The following CERS3 variants were observed in gnomAD, a reference collection of about 807,000 sequenced individuals.
The protein encoded by CERS3 is LAG1 homolog, ceramide synthase 3.
In CERS3, 33 loss-of-function variants were observed where a neutral mutation model predicts 50.3. The observed-to-expected ratio is 0.66, with a 90% CI of 0.50 to 0.88. CERS3 has a LOEUF of 0.88. CERS3 is among the 40% of genes least tolerant of loss of function. CERS3 has a pLI of 0.00. For missense variants in CERS3, 470 were observed against 460.3 expected (o/e 1.02, Z -0.19); for synonymous variants, 176 against 155.2 (o/e 1.13, Z -0.99).
At chr15:100,414,212 T>G (rs1329444387) in intron 11 of CERS3, among the ~76,000 whole-genome samples, 1 of 152,034 alleles carries the variant, frequency 6.6e-6, no homozygotes, top group Non-Finnish European at 1.5e-5. Context: ...TCTAGGAATA[T>G]AGCTAACAAG....
At chr15:100,454,473 A>C (rs1318557908) in intron 11 of CERS3, among the ~76,000 whole-genome samples, 1 of 152,080 alleles carries the variant, frequency 6.6e-6, no homozygotes, top group Non-Finnish European at 1.5e-5. Context: ...CTCTTCAATA[A>C]ATGGTGTGGG....
chr15:100,472,968 T>A lies in CERS3; in HGVS notation c.694A>T (p.Thr232Ser). 6.2e-7 allele frequency: 1 copy of A among 1,613,950 alleles called. No homozygotes were observed. The highest frequency in any genetic ancestry group is 8.5e-7 in the Non-Finnish European group (1 of 1,179,926). The change falls in exon 9 of 12, where the codon ACC becomes TCC. Residue 232 changes from threonine to serine, a missense_variant. Transcript: ENST00000679737. Reference sequence around the variant, plus strand: ...ACATCGTGTACAATCATCACGAGGGTCCCACTGCGAATATAATTAGCACAC... The same window carrying A: ...ACATCGTGTACAATCATCACGAGGGACCCACTGCGAATATAATTAGCACAC... ...SWCANYIRSG[T>S]LVMIVHDVAD...
At chr15:100,526,781 T>C (rs994403727) in intron 1 of CERS3, among the ~76,000 whole-genome samples, 1 of 152,060 alleles carries the variant, frequency 6.6e-6, no homozygotes, top group Non-Finnish European at 1.5e-5. Flanking sequence ...CTTTGTTCAC[T>C]GGTGATACCC....
chr15:100,430,162 G>A (rs558248109), intron 11 of CERS3, among the ~76,000 whole-genome samples: 4 of 151,834 alleles, frequency 2.6e-5, no homozygotes, highest in East Asian at 1.9e-4. Context: ...AATACAAAAA[G>A]TTAGCCAGTT....
chr15:100,426,430 T>C (rs1026119865), intron 11 of CERS3, among the ~76,000 whole-genome samples: 1 of 152,148 alleles, frequency 6.6e-6, no homozygotes, highest in African/African-American at 2.4e-5. Flanking sequence ...CCCGTAACTA[T>C]ATCCAGACAT....
At chr15:100,536,427 G>A (rs1436587948) in intron 1 of CERS3, among the ~76,000 whole-genome samples, 3 of 152,130 alleles carry the variant, frequency 2.0e-5, no homozygotes, top group East Asian at 3.9e-4. Flanking sequence ...TGGGACGACA[G>A]GCACATGCCA....
At chr15:100,478,216 T>C (rs2035194633) in intron 7 of CERS3, among the ~76,000 whole-genome samples, 1 of 152,178 alleles carries the variant, frequency 6.6e-6, no homozygotes, top group African/African-American at 2.4e-5. Flanking sequence ...AAAAATATAA[T>C]AACTGAAATT....
chr15:100,530,217 G>T (rs1032752874), upstream of CERS3, among the ~76,000 whole-genome samples: 2 of 152,236 alleles, frequency 1.3e-5, no homozygotes, highest in African/African-American at 4.8e-5. Flanking sequence ...TTGGTTTCCT[G>T]ACATGAGGCT....
chr15:100,415,788 CG>C (rs1567594900), intron 11 of CERS3, among the ~76,000 whole-genome samples: 1 of 109,530 alleles, frequency 9.1e-6, no homozygotes, highest in Non-Finnish European at 2.1e-5. Flanking sequence ...CAGGGCCTGT[CG>C]GGGGGCAGGG....
At chr15:100,479,271 TG>T (rs1213788373) in intron 7 of CERS3, among the ~76,000 whole-genome samples, 156 bp downstream of exon 7, 4 of 151,718 alleles carry the variant, frequency 2.6e-5, no homozygotes, top group Non-Finnish European at 5.9e-5. Flanking sequence ...ATGAGACAAA[TG>T]AGGGTCAATA....
chr15:100,516,616 G>T (rs760724350), intron 2 of CERS3, among the ~76,000 whole-genome samples: 7 of 152,176 alleles, frequency 4.6e-5, no homozygotes, highest in Non-Finnish European at 7.3e-5. Flanking sequence ...TAAATACTAA[G>T]TTAAAAGATT....
intron 11 of CERS3, among the ~76,000 whole-genome samples, chr15:100,436,141 T>C (rs897881997): frequency 5.9e-5 from 9 of 152,250 alleles, no homozygotes; most frequent in Non-Finnish European, 8.8e-5. Context: ...CAAAGGATTA[T>C]AAATAATTCT....
chr15:100,420,224 C>A (rs200695785), intron 11 of CERS3, among the ~76,000 whole-genome samples: 1 of 139,814 alleles, frequency 7.2e-6, no homozygotes, highest in Non-Finnish European at 1.6e-5. Context: ...ATCAAATAGA[C>A]GCAATAAAAA....
intron 2 of CERS3, chr15:100,503,731 G>C (rs1277257059): frequency 2.1e-6 from 1 of 470,994 alleles, no homozygotes; most frequent in Admixed American, 2.3e-5. Context: ...TCTGGCAGTG[G>C]TGTGAAGCAT....
chr15:100,467,786 C>T (rs55773039), intron 10 of CERS3, among the ~76,000 whole-genome samples: 7 of 116,952 alleles, frequency 6.0e-5, no homozygotes, highest in South Asian at 2.6e-4. Flanking sequence ...TATATACACA[C>T]ATATATATGT....
At chr15:100,486,748 T>C (rs1387130573) in intron 4 of CERS3, among the ~76,000 whole-genome samples, 3 of 152,226 alleles carry the variant, frequency 2.0e-5, no homozygotes, top group Non-Finnish European at 2.9e-5. Context: ...TGTTTTGCCA[T>C]TCATTCATTT....
At chr15:100,518,627 T>A (rs1286736675) in intron 2 of CERS3, among the ~76,000 whole-genome samples, 1 of 152,230 alleles carries the variant, frequency 6.6e-6, no homozygotes, top group Non-Finnish European at 1.5e-5. Flanking sequence ...TTTCACGTCA[T>A]CTCTCTGCCT....
rs779066605 is a variant in CERS3, at chr15:100,501,854, G to C, written c.-1-4C>G. On this transcript the variant is annotated splice_polypyrimidine_tract_variant and splice_region_variant and intron_variant, in intron 2 of 11. Transcript: ENST00000679737. ...TTCTTTAAACGTCCAAAACATTCTA[G>C]AGAAATGGAAACAGACATTAGGCTT... The C allele has an allele frequency of 6.8e-6, 11 of 1,613,390 alleles. No homozygotes were observed. Among genetic ancestry groups the C allele is most frequent in the African/African-American group, 1.3e-5 (1 of 74,854 alleles).
At position 100,456,026 on chromosome 15, in the gene CERS3, A is replaced by T. The variant is rs1192568271; in HGVS notation, c.866T>A (p.Ile289Asn). 2.5e-6 allele frequency: 4 copies of T among 1,609,530 alleles called. No individual in the cohort carries two copies. In the African/African-American group the frequency reaches 5.3e-5, roughly 22 times the overall value. ...FPFWILYCTL[I>N]LPMYHLEPFF... Reference sequence around the variant, plus strand: ...AGGCTCGAGGTGATACATAGGCAAGATCAGCGTGCAATATAAAATCCTGAA... The same window carrying T: ...AGGCTCGAGGTGATACATAGGCAAGTTCAGCGTGCAATATAAAATCCTGAA... Residue 289 changes from isoleucine to asparagine, a missense_variant, in exon 11 of 12, where the codon ATC becomes AAC. Ile to Asn is a moderately radical substitution (Grantham distance 149). Transcript: ENST00000679737.
Sources: gnomAD v4.1 joint callset for allele counts (sites outside exome capture counted in the v4.1 genomes callset) on GRCh38, gnomAD v4.1.1 for gene constraint, MANE v1.5 for transcripts, NCBI Gene and HGNC (gene_info 2026-07-23, HGNC 2026-07-21) for gene names.